Variants in ABCC2 observed in about 807,000 individuals in gnomAD.
ABCC2 encodes the protein ATP-binding cassette sub-family C member 2.
Under a neutral mutation model 173.4 loss-of-function variants are expected in ABCC2, and 157 were observed. The observed-to-expected ratio is 0.91, with a 90% CI of 0.80 to 1.03. ABCC2 has a LOEUF of 1.03. ABCC2 is among the 50% of genes least tolerant of loss of function. ABCC2 has a pLI of 0.00. For synonymous variants in ABCC2, 657 were observed against 693.5 expected (o/e 0.95, Z 0.83); for missense variants, 1,822 against 1,852.3 (o/e 0.98, Z 0.30).
At position 99,844,433 on chromosome 10, in the gene ABCC2, G is replaced by A; in HGVS notation, c.3955G>A (p.Gly1319Arg). The change falls in exon 28 of 32, where the codon GGG becomes AGG. Residue 1319 changes from glycine to arginine, a missense_variant. By Grantham distance (125) the Gly-to-Arg change is moderately radical (BLOSUM62 -2). Transcript: ENST00000647814. ...YRPELDLVLR[G>R]ITCDIGSMEK... is the part of the protein sequence containing the mutation. The stretch of plus-strand genomic sequence containing the variant: ...ACCTGAGCTGGATCTGGTCCTCAGA[G>A]GGATCACTTGTGACATCGGTAGCAT... The A allele has an allele frequency of 6.2e-7, 1 of 1,614,164 alleles. No homozygotes were observed. Among genetic ancestry groups the A allele is most frequent in the Non-Finnish European group, 8.5e-7 (1 of 1,180,056 alleles).
intron 21 of ABCC2, among the ~76,000 whole-genome samples, chr10:99,831,260 C>T (rs1038830262): frequency 2.0e-5 from 3 of 152,164 alleles, no homozygotes; most frequent in Non-Finnish European, 2.9e-5. Flanking sequence ...CACTATGTTG[C>T]CCAGGCTGGA....
At chr10:99,806,648 A>C (rs187650268) in intron 11 of ABCC2, among the ~76,000 whole-genome samples, 1 of 152,316 alleles carries the variant, frequency 6.6e-6, no homozygotes, top group Admixed American at 6.5e-5. Flanking sequence ...TATGAAGAAG[A>C]ATTATCTTTC....
intron 29 of ABCC2, 146 bp from the exon 30 acceptor site, chr10:99,846,815 A>G: frequency 3.6e-6 from 4 of 1,098,078 alleles, no homozygotes; most frequent in Admixed American, 1.7e-5. Flanking sequence ...AGGAGGGAAA[A>G]CCTTGCGGAA....
At position 99,814,227 on chromosome 10, in the gene ABCC2, A is replaced by G. The variant is rs553419175; in HGVS notation, c.2094+1083A>G. Among the ~76,000 whole-genome samples the G allele has an allele frequency of 4.8e-5, 3 of 61,860 alleles. 1 individual carries two copies. Among genetic ancestry groups the G allele is most frequent in the East Asian group, 1.4e-3 (2 of 1,424 alleles). The allele number at this position is 61,860 out of a possible 152,430, so 40.6% of individuals were successfully genotyped here. On this transcript the variant is annotated intron_variant, in intron 16 of 31. Coordinates refer to ENST00000647814, the MANE Select transcript of ABCC2 (RefSeq NM_000392.5). ...TATACACACATGTGTATATATACACACATGTGTATATATGCACACACGTAT... is the reference window on the plus strand; with the variant it reads ...TATACACACATGTGTATATATACACGCATGTGTATATATGCACACACGTAT...
intron 25 of ABCC2, among the ~76,000 whole-genome samples, chr10:99,839,116 G>A (rs1258185963): frequency 1.1e-3 from 126 of 110,938 alleles, no homozygotes; most frequent in Non-Finnish European, 1.6e-3. Flanking sequence ...CCTCCCGGAC[G>A]GGGCGGCTGG....
intron 13 of ABCC2, among the ~76,000 whole-genome samples, chr10:99,809,331 C>A (rs963801888): frequency 6.6e-6 from 1 of 152,026 alleles, no homozygotes; most frequent in African/African-American, 2.4e-5. Context: ...CCAGCCTGGG[C>A]GACAGAGTGA....
At chr10:99,816,710 G>A (rs531642777) in intron 16 of ABCC2, among the ~76,000 whole-genome samples, 2 of 152,296 alleles carry the variant, frequency 1.3e-5, no homozygotes, top group East Asian at 1.9e-4. Flanking sequence ...GAAGGTGAGC[G>A]GCGAGCGAGC....
At chr10:99,823,262 A>C (rs974431686) in intron 19 of ABCC2, among the ~76,000 whole-genome samples, 6 of 152,032 alleles carry the variant, frequency 3.9e-5, no homozygotes, top group Admixed American at 6.5e-5. Flanking sequence ...CATGAGTCAA[A>C]GCATGAAGTT....
At chr10:99,814,576 T>TATACACACAC (rs2038341195) in intron 16 of ABCC2, among the ~76,000 whole-genome samples, 2 of 108,584 alleles carry the variant, frequency 1.8e-5, no homozygotes, top group Non-Finnish European at 4.1e-5. Flanking sequence ...TACACACACA[T>TATACACACAC]ATGTGTATAT....
In ABCC2 at chr10:99,782,842, A is replaced by G. The variant is rs1421501836; in HGVS notation, c.-3A>G. The G allele has an allele frequency of 6.2e-7, 1 of 1,613,966 alleles. No individual in the cohort carries two copies. Among genetic ancestry groups the G allele is most frequent in the Non-Finnish European group, 8.5e-7 (1 of 1,179,974 alleles). On this transcript the variant is annotated 5_prime_UTR_variant, in exon 1 of 32. Transcript: ENST00000647814. ...TCTTCGTTCCAGACGCAGTCCAGGA[A>G]TCATGCTGGAGAAGTTCTGCAACTC...
intron 26 of ABCC2, among the ~76,000 whole-genome samples, chr10:99,842,685 A>G (rs1215775074): frequency 6.6e-6 from 1 of 152,170 alleles, no homozygotes; most frequent in Non-Finnish European, 1.5e-5. Flanking sequence ...TTTTTGAACT[A>G]ATTTTTTTAG....
intron 2 of ABCC2, among the ~76,000 whole-genome samples, chr10:99,790,384 A>G (rs948335085): frequency 6.6e-6 from 1 of 151,990 alleles, no homozygotes; most frequent in Non-Finnish European, 1.5e-5. Context: ...ATTTTTTTAC[A>G]TTGAGTTATT....
rs2038283357 is a variant in ABCC2, at chr10:99,814,183, G to GTATACACACATGTGTATATA, written c.2094+1042_2094+1061dup. 8.9e-5 allele frequency among the ~76,000 whole-genome samples: 7 copies of GTATACACACATGTGTATATA among 79,034 alleles called. 1 individual carries two copies. Among genetic ancestry groups the GTATACACACATGTGTATATA allele is most frequent in the Non-Finnish European group, 1.8e-4 (7 of 38,044 alleles). 51.8% of individuals were successfully genotyped at this position (79,034 alleles called of 152,430 possible). On this transcript the variant is annotated intron_variant, in intron 16 of 31. Transcript: ENST00000647814. ...CACACGTATATATACACACATGTAT[G>GTATACACACATGTGTATATA]TATACACACATGTGTATATATACAC...
At chr10:99,801,864 G>T (rs1251682115) in intron 9 of ABCC2, among the ~76,000 whole-genome samples, 1 of 152,148 alleles carries the variant, frequency 6.6e-6, no homozygotes, top group African/African-American at 2.4e-5. Flanking sequence ...GTAGATGTTG[G>T]TTCGTTGAGA....
At chr10:99,803,514 A>G (rs1208328171) in intron 9 of ABCC2, among the ~76,000 whole-genome samples, 1 of 151,872 alleles carries the variant, frequency 6.6e-6, no homozygotes, top group East Asian at 1.9e-4. Context: ...TCCATCCCTC[A>G]GTATTTGATT....
rs928221877 is a variant in ABCC2 at position 99,784,533 on chromosome 10, A to T, written c.34-75A>T. 2.1e-6 allele frequency: 3 copies of T among 1,444,102 alleles called. No homozygotes were observed. In the African/African-American group the frequency reaches 4.2e-5, roughly 20 times the overall value. The allele number at this position is 1,444,102 out of a possible 1,614,324, so 89.5% of individuals were successfully genotyped here. A position where few individuals can be genotyped will look rare whatever the true frequency, so the allele number is the denominator to read the frequency against. ...AGTTGAATTTAAATTGTGTGAAAGCAGTGGGATGTGCTGCAGGGTGGTTTT... is the reference window on the plus strand; with the variant it reads ...AGTTGAATTTAAATTGTGTGAAAGCTGTGGGATGTGCTGCAGGGTGGTTTT... On this transcript the variant is annotated intron_variant, in intron 1 of 31. Transcript: ENST00000647814.
chr10:99,806,292 G>T (rs1011894393), intron 11 of ABCC2, among the ~76,000 whole-genome samples: 1 of 152,132 alleles, frequency 6.6e-6, no homozygotes, highest in African/African-American at 2.4e-5. Flanking sequence ...GCGGGCCCAG[G>T]TGCTGTCAGC....
intron 23 of ABCC2, among the ~76,000 whole-genome samples, chr10:99,833,062 G>T (rs2038766279): frequency 6.6e-6 from 1 of 152,182 alleles, no homozygotes; most frequent in Admixed American, 6.5e-5. Flanking sequence ...ACTCTTGTTT[G>T]TTGGTCTTGG....
chr10:99,794,232 A>T (rs2037857928), intron 5 of ABCC2, among the ~76,000 whole-genome samples, 181 bp from the exon 6 acceptor site: 1 of 152,180 alleles, frequency 6.6e-6, no homozygotes, highest in African/African-American at 2.4e-5. Flanking sequence ...AGAAAATCTG[A>T]TTATCATTCT....
Sources: gnomAD v4.1 joint callset for allele counts (sites outside exome capture counted in the v4.1 genomes callset) on GRCh38, gnomAD v4.1.1 for gene constraint, MANE v1.5 for transcripts, NCBI Gene and HGNC (gene_info 2026-07-23, HGNC 2026-07-21) for gene names.